The following CACNB2 variants were observed in gnomAD, a reference collection of about 807,000 sequenced individuals.
The protein encoded by CACNB2 is calcium voltage-gated channel auxiliary subunit beta 2.
A neutral mutation model predicts 73.3 loss-of-function variants in CACNB2; 42 were observed. That is an observed-to-expected ratio of 0.57 (90% CI 0.45 to 0.74). The LOEUF (loss-of-function observed/expected upper bound fraction) is 0.74. Among genes scored for constraint, CACNB2 ranks in the 30% least tolerant of loss-of-function variants. CACNB2 has a pLI of 0.00. For synonymous variants in CACNB2, 348 were observed against 310.3 expected (o/e 1.12, Z -1.28); for missense variants, 940 against 853.0 (o/e 1.10, Z -1.27).
At position 18,540,143 on chromosome 10, in the gene CACNB2, CATAT is replaced by C. The variant is rs2053988635; in HGVS notation, c.*420_*423del. On this transcript the variant is annotated 3_prime_UTR_variant, in exon 14 of 14. Coordinates refer to ENST00000324631, the MANE Select transcript of CACNB2 (RefSeq NM_201596.3). ...CGTTAATACGCAGGCATCTGATTTGCATATTCATTCATGGACCACTGTTTCTTGC... is the reference window on the plus strand; with the variant it reads ...CGTTAATACGCAGGCATCTGATTTGCTCATTCATGGACCACTGTTTCTTGC... 1 of 202,920 alleles carries C rather than the reference CATAT, an allele frequency of 4.9e-6. No individual in the cohort carries two copies. Among genetic ancestry groups the C allele is most frequent in the African/African-American group, 2.4e-5 (1 of 42,232 alleles). The allele number at this position is 202,920 out of a possible 1,614,324, so 12.6% of individuals were successfully genotyped here.
intron 2 of CACNB2, among the ~76,000 whole-genome samples, chr10:18,223,469 T>A (rs1588749367): frequency 6.6e-6 from 1 of 152,166 alleles, no homozygotes; most frequent in Admixed American, 6.5e-5. Context: ...CCATGAATAA[T>A]TATTGATTAT....
At chr10:18,158,806 A>T (rs2131078193) in intron 2 of CACNB2, among the ~76,000 whole-genome samples, 1 of 152,318 alleles carries the variant, frequency 6.6e-6, no homozygotes, top group South Asian at 2.1e-4. Context: ...CTTGGCATGG[A>T]TGGGTAGAAC....
At chr10:18,412,131 C>G (rs942510367) in intron 3 of CACNB2, among the ~76,000 whole-genome samples, 1 of 152,182 alleles carries the variant, frequency 6.6e-6, no homozygotes, top group East Asian at 1.9e-4. Flanking sequence ...GGTTCGCATG[C>G]TGGTCCCAGG....
chr10:18,417,987 T>C (rs1011798138), intron 3 of CACNB2, among the ~76,000 whole-genome samples: 7 of 152,132 alleles, frequency 4.6e-5, no homozygotes, highest in African/African-American at 1.7e-4. Context: ...ATGTAACAAT[T>C]GACTAGAGAA....
chr10:18,333,524 G>GT (rs1446542509), intron 2 of CACNB2, among the ~76,000 whole-genome samples: 1 of 151,124 alleles, frequency 6.6e-6, no homozygotes, highest in Admixed American at 6.6e-5. Flanking sequence ...TTTCCATCTT[G>GT]TTTTTTTACT....
chr10:18,193,974 G>T (rs916977788), intron 2 of CACNB2, among the ~76,000 whole-genome samples: 2 of 152,098 alleles, frequency 1.3e-5, no homozygotes, highest in African/African-American at 2.4e-5. Context: ...AAAATAAAAA[G>T]AAAAAGTAGA....
intron 3 of CACNB2, among the ~76,000 whole-genome samples, chr10:18,482,494 G>GT (rs1421719894): frequency 1.3e-5 from 2 of 151,820 alleles, no homozygotes; most frequent in East Asian, 3.9e-4. Flanking sequence ...ATATTTGGGT[G>GT]TTTTTTTCTG....
In CACNB2 at chr10:18,150,880, T is replaced by TTTTTTTTTTTTTTTTTTTTG; in HGVS notation, c.121-3_121-2insTTTTTTTTTTTTTTTTTTTG. On this transcript the variant is annotated splice_polypyrimidine_tract_variant and splice_region_variant and intron_variant, in intron 1 of 13. Transcript: ENST00000324631. ...CTTTTTTTTTTTTTTTTTTTTTTTTTAGTCATATGGAAAAGGAGCCAGAAG... is the reference window on the plus strand; with the variant it reads ...CTTTTTTTTTTTTTTTTTTTTTTTTTTTTTTTTTTTTTTTTTTTTGAGTCATATGGAAAAGGAGCCAGAAG... 1 of 1,300,364 alleles carries TTTTTTTTTTTTTTTTTTTTG rather than the reference T, an allele frequency of 7.7e-7. No individual in the cohort carries two copies. The highest frequency in any genetic ancestry group is 2.2e-4 in the Middle Eastern group (1 of 4,596). The allele number at this position is 1,300,364 out of a possible 1,614,324, so 80.6% of individuals were successfully genotyped here.
At chr10:18,472,119 G>A (rs1031144553) in intron 3 of CACNB2, among the ~76,000 whole-genome samples, 29 of 151,602 alleles carry the variant, frequency 1.9e-4, no homozygotes, top group African/African-American at 6.8e-4. Context: ...TCTCTTCCCG[G>A]CTTTGCTTTC....
chr10:18,190,321 A>G (rs770449914), intron 2 of CACNB2, among the ~76,000 whole-genome samples: 1 of 152,164 alleles, frequency 6.6e-6, no homozygotes, highest in East Asian at 1.9e-4. Context: ...GGTCGCTTCC[A>G]GTCCCTCAGT....
chr10:18,294,611 T>C (rs2131795215), intron 2 of CACNB2, among the ~76,000 whole-genome samples: 1 of 152,338 alleles, frequency 6.6e-6, no homozygotes, highest in Middle Eastern at 3.4e-3. Flanking sequence ...TGTTGCCAAT[T>C]GGTTGGTTAA....
intron 3 of CACNB2, among the ~76,000 whole-genome samples, chr10:18,403,195 A>G (rs1450921288): frequency 1.3e-5 from 2 of 152,192 alleles, no homozygotes; most frequent in African/African-American, 4.8e-5. Flanking sequence ...TAGCAGATGC[A>G]GGGAGGGTTT....
chr10:18,460,021 A>G (rs1409527999), intron 3 of CACNB2, among the ~76,000 whole-genome samples: 2 of 152,174 alleles, frequency 1.3e-5, no homozygotes, highest in African/African-American at 4.8e-5. Flanking sequence ...AAAAAGTCGA[A>G]TACTAACATA....
Position 18,180,865 on chromosome 10 carries a change from C to T in CACNB2, c.213+29890C>T, listed in dbSNP as rs1417640830. Reference sequence around the variant, plus strand: ...CCTGTAATCCCAGCTACTCAGGAGGCTGAGACAGGAACATCGCTTGAACCC... The same window carrying T: ...CCTGTAATCCCAGCTACTCAGGAGGTTGAGACAGGAACATCGCTTGAACCC... On this transcript the variant is annotated intron_variant, in intron 2 of 13. Transcript: ENST00000324631. 2.0e-5 allele frequency among the ~76,000 whole-genome samples: 3 copies of T among 151,950 alleles called. No homozygotes were observed. The East Asian group carries it at 5.8e-4, about 29-fold the overall frequency.
At chr10:18,267,108 T>C (rs991229982) in intron 2 of CACNB2, among the ~76,000 whole-genome samples, 1 of 152,150 alleles carries the variant, frequency 6.6e-6, no homozygotes. Flanking sequence ...AAGGGTGATA[T>C]TTGGCTTTTA....
intron 5 of CACNB2, among the ~76,000 whole-genome samples, chr10:18,501,746 A>G (rs994720580): frequency 3.3e-5 from 5 of 152,158 alleles, no homozygotes; most frequent in African/African-American, 2.4e-5. Context: ...CTAAGATGCA[A>G]ATCCCTTTGT....
At chr10:18,186,826 C>A (rs921448320) in intron 2 of CACNB2, among the ~76,000 whole-genome samples, 1 of 152,140 alleles carries the variant, frequency 6.6e-6, no homozygotes, top group Non-Finnish European at 1.5e-5. Context: ...GGACACAGAT[C>A]CAAACCATAT....
intron 2 of CACNB2, among the ~76,000 whole-genome samples, chr10:18,213,211 G>T (rs11013030): frequency 6.6e-6 from 1 of 152,194 alleles, no homozygotes; most frequent in South Asian, 2.1e-4. Context: ...AGGGTCCTGC[G>T]CCTTGGTAGA....
At chr10:18,167,735 G>T (rs1416264178) in intron 2 of CACNB2, among the ~76,000 whole-genome samples, 1 of 152,014 alleles carries the variant, frequency 6.6e-6, no homozygotes, top group Admixed American at 6.6e-5. Context: ...GCCGTTGGGG[G>T]GAGAAGTAGT....
Sources: allele counts gnomAD v4.1 joint callset (sites outside exome capture counted in the v4.1 genomes callset), GRCh38; gene constraint gnomAD v4.1.1; transcripts MANE v1.5; gene names NCBI Gene and HGNC (gene_info 2026-07-23, HGNC 2026-07-21).